Variants in CNTNAP2 observed in about 807,000 individuals in gnomAD.
CNTNAP2 encodes contactin associated protein 2.
CNTNAP2 carries 98 observed loss-of-function variants against 155.2 expected under a neutral mutation model. The observed-to-expected ratio is 0.63, with a 90% CI of 0.54 to 0.75. The LOEUF (loss-of-function observed/expected upper bound fraction) is 0.75, where lower values mean the gene tolerates loss of function less well. Among genes scored for constraint, CNTNAP2 ranks in the 30% least tolerant of loss-of-function variants. The pLI, the probability that CNTNAP2 is intolerant of heterozygous loss-of-function variation, is 0.00. For synonymous variants in CNTNAP2, 651 were observed against 631.2 expected (o/e 1.03, Z -0.47); for missense variants, 1,727 against 1,688.1 (o/e 1.02, Z -0.40).
chr7:146,423,948 G>A (rs975758808), intron 1 of CNTNAP2, among the ~76,000 whole-genome samples: 1 of 152,062 alleles, frequency 6.6e-6, no homozygotes, highest in East Asian at 1.9e-4. Context: ...TGTCATAGGC[G>A]TGCTGGAGAG....
chr7:146,999,665 T>C (rs2129240616), intron 3 of CNTNAP2, among the ~76,000 whole-genome samples: 1 of 150,350 alleles, frequency 6.7e-6, no homozygotes. Context: ...GTATTTTTTG[T>C]TGACAGTTTT....
rs775446723 is a variant in CNTNAP2, at chr7:146,151,682, G to GTATATA, written c.97+34719_97+34724dup. 9.0e-4 allele frequency among the ~76,000 whole-genome samples: 67 copies of GTATATA among 74,124 alleles called. 2 individuals are homozygous for GTATATA. Among genetic ancestry groups the GTATATA allele is most frequent in the East Asian group, 8.1e-3 (9 of 1,116 alleles). The allele number at this position is 74,124 out of a possible 152,430, so 48.6% of individuals were successfully genotyped here. A position where few individuals can be genotyped will look rare whatever the true frequency, so the allele number is the denominator to read the frequency against. ...TATATATATATATATATATATATAT[G>GTATATA]TATATATATATATATGTATATATAT... On this transcript the variant is annotated intron_variant, in intron 1 of 23. Coordinates refer to ENST00000361727, the MANE Select transcript of CNTNAP2 (RefSeq NM_014141.6).
At chr7:146,520,588 G>T (rs1428706560) in intron 1 of CNTNAP2, among the ~76,000 whole-genome samples, 3 of 151,448 alleles carry the variant, frequency 2.0e-5, no homozygotes, top group African/African-American at 4.8e-5. Flanking sequence ...CTTCTTCCTA[G>T]GTCGTCTTTT....
intron 3 of CNTNAP2, among the ~76,000 whole-genome samples, chr7:147,033,605 G>C (rs1799087386): frequency 6.6e-6 from 1 of 151,994 alleles, no homozygotes; most frequent in Non-Finnish European, 1.5e-5. Flanking sequence ...AATGTAGATA[G>C]ATGGGAATTT....
chr7:146,867,263 C>T (rs1202773161), intron 3 of CNTNAP2, among the ~76,000 whole-genome samples: 1 of 152,012 alleles, frequency 6.6e-6, no homozygotes, highest in Admixed American at 6.6e-5. Context: ...TAAGTAGGAA[C>T]ATGTGGTATT....
intron 1 of CNTNAP2, among the ~76,000 whole-genome samples, chr7:146,351,066 T>C (rs1794907869): frequency 6.7e-6 from 1 of 148,244 alleles, no homozygotes; most frequent in Non-Finnish European, 1.5e-5. Flanking sequence ...CATTAGGAGA[T>C]ACACCTAATG....
At chr7:148,037,259 T>C (rs1802587996) in intron 15 of CNTNAP2, among the ~76,000 whole-genome samples, 2 of 152,174 alleles carry the variant, frequency 1.3e-5, no homozygotes, top group African/African-American at 2.4e-5. Context: ...CATCTCAAAC[T>C]ATGTCGAAAT....
chr7:147,701,005 G>A (rs537037973), intron 13 of CNTNAP2, among the ~76,000 whole-genome samples: 2 of 152,270 alleles, frequency 1.3e-5, no homozygotes, highest in South Asian at 4.1e-4. Flanking sequence ...ATTTAGTTGA[G>A]TGCATTCCTC....
intron 1 of CNTNAP2, among the ~76,000 whole-genome samples, chr7:146,246,156 T>G (rs1224202155): frequency 6.6e-6 from 1 of 151,562 alleles, no homozygotes; most frequent in Non-Finnish European, 1.5e-5. Flanking sequence ...TAAGGGTGAT[T>G]AGGTTTTAAT....
intron 10 of CNTNAP2, among the ~76,000 whole-genome samples, chr7:147,411,903 T>C (rs576457634): frequency 3.3e-5 from 5 of 152,202 alleles, no homozygotes; most frequent in Non-Finnish European, 7.3e-5. Context: ...TTATAAAATA[T>C]AAATAGTAAA....
intron 10 of CNTNAP2, among the ~76,000 whole-genome samples, chr7:147,405,793 C>T (rs1215914469): frequency 2.6e-5 from 4 of 152,146 alleles, no homozygotes; most frequent in Non-Finnish European, 5.9e-5. Context: ...CCAAGGTGAA[C>T]TCACTGAAAT....
chr7:147,720,610 G>T (rs112278665), intron 13 of CNTNAP2, among the ~76,000 whole-genome samples: 1,588 of 152,140 alleles, frequency 0.01, 20 homozygotes, highest in African/African-American at 0.036. Flanking sequence ...ATTGAATCAT[G>T]GGGACAGTTT....
intron 8 of CNTNAP2, among the ~76,000 whole-genome samples, chr7:147,245,587 A>T (rs1425664777): frequency 6.6e-6 from 1 of 151,950 alleles, no homozygotes; most frequent in Non-Finnish European, 1.5e-5. Flanking sequence ...TAATCTTAGC[A>T]CGTCGGGAGG....
At chr7:146,400,677 A>G (rs1171688287) in intron 1 of CNTNAP2, among the ~76,000 whole-genome samples, 1 of 152,216 alleles carries the variant, frequency 6.6e-6, no homozygotes, top group African/African-American at 2.4e-5. Flanking sequence ...TTTGAATGAT[A>G]AGTTAACAAT....
At chr7:146,671,429 T>TCACTCACACACA (rs1554465672) in intron 1 of CNTNAP2, among the ~76,000 whole-genome samples, 2 of 148,394 alleles carry the variant, frequency 1.3e-5, no homozygotes, top group African/African-American at 2.5e-5. Context: ...TTTTTGTCAC[T>TCACTCACACACA]CACACACACA....
Position 146,335,760 on chromosome 7 carries a change from C to A in CNTNAP2, c.97+218787C>A, listed in dbSNP as rs571612133. On this transcript the variant is annotated intron_variant, in intron 1 of 23. Transcript: ENST00000361727. ...ATATACTTTTAGGTCACATGCATTT[C>A]CACACACAATCTGAATGTTTCCTAC... Among the ~76,000 whole-genome samples the A allele has an allele frequency of 3.3e-5, 5 of 152,240 alleles. No individual in the cohort carries two copies. In the South Asian group the frequency reaches 8.3e-4, roughly 25 times the overall value.
Position 148,347,617 on chromosome 7 carries a change from A to G in CNTNAP2, c.3476-36032A>G, listed in dbSNP as rs188930456. 2.3e-3 allele frequency among the ~76,000 whole-genome samples: 356 copies of G among 152,362 alleles called. 1 individual carries two copies. The highest frequency in any genetic ancestry group is 8.1e-3 in the African/African-American group (338 of 41,574). ...CCAAAATTATATTATCTAGGGTATT[A>G]CAGTGAATATAGAGTTAAATAATTT... On this transcript the variant is annotated intron_variant, in intron 21 of 23. Coordinates refer to ENST00000361727, the MANE Select transcript of CNTNAP2 (RefSeq NM_014141.6).
chr7:147,301,968 T>C (rs1199800021), intron 9 of CNTNAP2, among the ~76,000 whole-genome samples: 1 of 152,168 alleles, frequency 6.6e-6, no homozygotes, highest in Non-Finnish European at 1.5e-5. Flanking sequence ...GAACTAGGGC[T>C]CTGCTTCTTT....
At chr7:148,102,957 A>G (rs1449228232) in intron 15 of CNTNAP2, among the ~76,000 whole-genome samples, 1 of 152,236 alleles carries the variant, frequency 6.6e-6, no homozygotes, top group Non-Finnish European at 1.5e-5. Context: ...TTAGGGAGAC[A>G]TGAGACATCA....
Sources: gnomAD v4.1 joint callset for allele counts (sites outside exome capture counted in the v4.1 genomes callset) on GRCh38, gnomAD v4.1.1 for gene constraint, MANE v1.5 for transcripts, NCBI Gene and HGNC (gene_info 2026-07-23, HGNC 2026-07-21) for gene names.